The following CHN2 variants were observed in gnomAD, a reference collection of about 807,000 sequenced individuals.
CHN2 encodes the protein chimerin 2.
In CHN2, 35 loss-of-function variants were observed where a neutral mutation model predicts 56.3. The observed-to-expected ratio is 0.62, with a 90% CI of 0.47 to 0.82. The LOEUF is 0.82. Among genes scored for constraint, CHN2 ranks in the 40% least tolerant of loss-of-function variants. The pLI, the probability that CHN2 is intolerant of heterozygous loss-of-function variation, is 0.00. For missense variants in CHN2, 491 were observed against 580.5 expected (o/e 0.85, Z 1.58); for synonymous variants, 210 against 212.8 (o/e 0.99, Z 0.12).
intron 1 of CHN2, among the ~76,000 whole-genome samples, chr7:29,344,219 C>T (rs1057143859): frequency 1.3e-5 from 2 of 152,166 alleles, no homozygotes; most frequent in African/African-American, 2.4e-5. Context: ...ACTGGACAGT[C>T]CCTTGATTGG....
intron 1 of CHN2, among the ~76,000 whole-genome samples, chr7:29,278,028 C>T (rs1791375212): frequency 6.6e-6 from 1 of 152,084 alleles, no homozygotes; most frequent in East Asian, 1.9e-4. Context: ...AGTGAAGATG[C>T]AGATCAGGCC....
intron 1 of CHN2, among the ~76,000 whole-genome samples, chr7:29,238,233 A>T (rs71539594): frequency 0.14 from 21,637 of 151,802 alleles, 1,804 homozygotes; most frequent in Non-Finnish European, 0.19. Context: ...TTAGCCAGGA[A>T]GGTCTTGATC....
At chr7:29,245,798 G>A (rs774674897) in intron 1 of CHN2, among the ~76,000 whole-genome samples, 2 of 151,786 alleles carry the variant, frequency 1.3e-5, no homozygotes, top group East Asian at 2.0e-4. Context: ...ACATTTCCAC[G>A]CCTTTACTCC....
At chr7:29,300,491 C>T (rs1240869423) in intron 1 of CHN2, among the ~76,000 whole-genome samples, 1 of 152,098 alleles carries the variant, frequency 6.6e-6, no homozygotes, top group Non-Finnish European at 1.5e-5. Context: ...AAAACATTGC[C>T]CTTTTATATT....
At chr7:29,304,687 C>G (rs748702772) in intron 1 of CHN2, among the ~76,000 whole-genome samples, 2 of 152,170 alleles carry the variant, frequency 1.3e-5, no homozygotes, top group Non-Finnish European at 2.9e-5. Context: ...GACTCTTAAG[C>G]CCTCGCCCAT....
At chr7:29,280,824 T>C (rs1368253975) in intron 1 of CHN2, among the ~76,000 whole-genome samples, 1 of 152,016 alleles carries the variant, frequency 6.6e-6, no homozygotes, top group Non-Finnish European at 1.5e-5. Flanking sequence ...GGGCCAGGCA[T>C]GGGGGCTCAT....
At chr7:29,487,741 C>T (rs1387111263) in intron 7 of CHN2, among the ~76,000 whole-genome samples, 1 of 151,822 alleles carries the variant, frequency 6.6e-6, no homozygotes, top group Non-Finnish European at 1.5e-5. Context: ...ATTATCTCTT[C>T]CTTCCTCTGT....
rs70980522 is a variant in CHN2, at chr7:29,293,857, A to ATTTTTTTT, written c.50-60748_50-60741dup. On this transcript the variant is annotated intron_variant, in intron 1 of 12. Transcript: ENST00000222792. The stretch of plus-strand genomic sequence containing the variant: ...GCATATAAGCTCCACGAGGCTGGGA[A>ATTTTTTTT]TTTTTTTTTTTTTTTTTTTTTTTTT... 1.1e-3 allele frequency among the ~76,000 whole-genome samples: 85 copies of ATTTTTTTT among 78,518 alleles called. 4 individuals carry two copies. The highest frequency in any genetic ancestry group is 4.1e-3 in the African/African-American group (82 of 19,902). 51.5% of individuals were successfully genotyped at this position (78,518 alleles called of 152,430 possible).
intron 6 of CHN2, among the ~76,000 whole-genome samples, chr7:29,457,560 A>G (rs556124247): frequency 6.6e-6 from 1 of 152,296 alleles, no homozygotes; most frequent in South Asian, 2.1e-4. Context: ...TCATTAAGTT[A>G]CTATAATTAT....
At chr7:29,247,667 C>T (rs975207040) in intron 1 of CHN2, among the ~76,000 whole-genome samples, 21 of 152,352 alleles carry the variant, frequency 1.4e-4, no homozygotes, top group African/African-American at 4.3e-4. Flanking sequence ...CTCACCGCCC[C>T]GATGGTGCCT....
intron 6 of CHN2, among the ~76,000 whole-genome samples, chr7:29,457,470 G>C (rs1040439975): frequency 3.9e-5 from 6 of 152,192 alleles, no homozygotes; most frequent in Non-Finnish European, 8.8e-5. Flanking sequence ...AACGGTCTGA[G>C]TGCTGAGCAG....
chr7:29,474,343 G>C lies in CHN2; in HGVS notation c.577-5936G>C, dbSNP rs372090302. Among the ~76,000 whole-genome samples, 26 of 152,184 alleles carry C rather than the reference G, an allele frequency of 1.7e-4. 1 individual carries two copies. The South Asian group carries it at 3.9e-3, about 23-fold the overall frequency. ...CTTGATATTGTTTTGATGAATATCT[G>C]TATCTCTATATCTATCCATCTATCT... is the stretch of plus-strand genomic sequence containing the variant. On this transcript the variant is annotated intron_variant, in intron 6 of 12. Coordinates refer to ENST00000222792, the MANE Select transcript of CHN2 (RefSeq NM_004067.4).
rs181863013 is a variant in CHN2, at chr7:29,148,750, T to G, written c.274+1790T>G. The stretch of plus-strand genomic sequence containing the variant: ...AGAAAAAACAAGAAAAAAGATAGTC[T>G]TCTTTAGGGAACTTGAAGTTTAGTT... On this transcript the variant is annotated intron_variant, in intron 2 of 6. Transcript: ENST00000439384. 1.1e-4 allele frequency: 16 copies of G among 152,256 alleles called. No individual in the cohort carries two copies. In the East Asian group the frequency reaches 3.1e-3, roughly 29 times the overall value. 9.4% of individuals were successfully genotyped at this position (152,256 alleles called of 1,614,324 possible).
intron 1 of CHN2, among the ~76,000 whole-genome samples, chr7:29,239,260 G>A (rs1787458354): frequency 6.6e-6 from 1 of 152,140 alleles, no homozygotes; most frequent in Admixed American, 6.5e-5. Context: ...TCTGGACATG[G>A]GGGTGAGAGC....
intron 1 of CHN2, among the ~76,000 whole-genome samples, chr7:29,306,100 T>C (rs1438817889): frequency 6.6e-6 from 1 of 152,206 alleles, no homozygotes; most frequent in East Asian, 1.9e-4. Context: ...AATTTTACTT[T>C]CTGTCCCGTC....
intron 6 of CHN2, among the ~76,000 whole-genome samples, chr7:29,475,088 C>G (rs754574332): frequency 1.2e-4 from 18 of 152,148 alleles, no homozygotes; most frequent in Non-Finnish European, 2.2e-4. Context: ...TGCCCATTGA[C>G]CCACCCTTTC....
intron 1 of CHN2, among the ~76,000 whole-genome samples, chr7:29,197,557 T>C (rs952761991): frequency 1.3e-5 from 2 of 152,208 alleles, no homozygotes; most frequent in Non-Finnish European, 2.9e-5. Context: ...CTTTGAGGAA[T>C]GAAAAAGAAG....
intron 1 of CHN2, among the ~76,000 whole-genome samples, chr7:29,273,396 C>T (rs942172024): frequency 4.5e-4 from 43 of 95,742 alleles, no homozygotes; most frequent in African/African-American, 1.6e-3. Context: ...TATACACACA[C>T]CACATTTTCT....
chr7:29,296,845 C>G (rs1793201458), intron 1 of CHN2, among the ~76,000 whole-genome samples: 1 of 152,190 alleles, frequency 6.6e-6, no homozygotes, highest in South Asian at 2.1e-4. Flanking sequence ...TACAGAGTGA[C>G]TTCTTAGGGG....
Sources: allele counts gnomAD v4.1 joint callset (sites outside exome capture counted in the v4.1 genomes callset), GRCh38; gene constraint gnomAD v4.1.1; transcripts MANE v1.5; gene names NCBI Gene and HGNC (gene_info 2026-07-23, HGNC 2026-07-21).